The following KCP variants were observed in gnomAD, a reference collection of about 807,000 sequenced individuals.
KCP encodes kielin/chordin-like protein.
KCP carries 194 observed loss-of-function variants against 212.7 expected under a neutral mutation model. The ratio of observed to expected loss-of-function variants is 0.91; its 90% CI spans 0.81 to 1.03. The LOEUF is 1.03. Ranked by LOEUF, KCP falls within the 50% of genes least tolerant of loss-of-function variation. The pLI is 0.00. For missense variants in KCP, 2,080 were observed against 2,162.5 expected, an observed-to-expected ratio of 0.96 and a Z score of 0.76; for synonymous variants, 833 against 865.3, an observed-to-expected ratio of 0.96 and a Z score of 0.65.
At chr7:128,886,219 C>G (rs937884823) in intron 26 of KCP, among the ~76,000 whole-genome samples, 1 of 152,154 alleles carries the variant, frequency 6.6e-6, no homozygotes, top group African/African-American at 2.4e-5. Flanking sequence ...AAATGTGAGC[C>G]GCTGCACCCA....
At chr7:128,899,902 C>G (rs1239629225) in intron 8 of KCP, among the ~76,000 whole-genome samples, 1 of 130,874 alleles carries the variant, frequency 7.6e-6, no homozygotes, top group Non-Finnish European at 1.5e-5. Flanking sequence ...ATAAATGCCC[C>G]TTGGAGAAAC....
chr7:128,879,543 C>T lies in KCP; in HGVS notation c.4125G>A (p.Leu1375=). 6.5e-7 allele frequency: 1 copy of T among 1,549,974 alleles called. No homozygotes were observed. The highest frequency in any genetic ancestry group is 8.7e-7 in the Non-Finnish European group (1 of 1,146,746). The change falls in exon 37 of 40, where the codon CTG becomes CTA. Residue 1375 remains leucine, a synonymous_variant. Transcript: ENST00000610776. ...GCACCTGGAGCCCGGGCTGGGCGTG[C>T]AGGATCACAGTGTGTCCTCGCAGCT... is the stretch of plus-strand genomic sequence containing the variant. ...YVELRGHTVI[L]HAQPGLQVLW...
Position 128,893,028 on chromosome 7 carries a change from T to A in KCP, c.1268-7A>T. ...TCTCCATCCAGCTCACAGGCTGTAG[T>A]AAGGGGGCTGTCACATGGCAGCCTA... On this transcript the variant is annotated splice_region_variant and splice_polypyrimidine_tract_variant and intron_variant, in intron 13 of 39. Transcript: ENST00000610776. 1.1e-6 allele frequency: 1 copy of A among 900,756 alleles called. No homozygotes were observed. The highest frequency in any genetic ancestry group is 2.6e-5 in the East Asian group (1 of 38,032). The allele number at this position is 900,756 out of a possible 1,614,324, so 55.8% of individuals were successfully genotyped here. A position where few individuals can be genotyped will look rare whatever the true frequency, so the allele number is the denominator to read the frequency against.
chr7:128,903,945 C>G (rs374996808), intron 6 of KCP, 111 bp downstream of exon 6: 2 of 1,365,544 alleles, frequency 1.5e-6, no homozygotes, highest in Non-Finnish European at 2.0e-6. Flanking sequence ...CTAGCTGGCT[C>G]CACCTCTCGG....
chr7:128,886,748 C>A lies in KCP; in HGVS notation c.2690-11G>T. 1.9e-6 allele frequency: 3 copies of A among 1,551,278 alleles called. No individual in the cohort carries two copies. Reference sequence around the variant, plus strand: ...CCTGAGAGAGACAGCCTGTGGGGGACACACCTCCTGGGTGGGGGGCCTGTG... The same window carrying A: ...CCTGAGAGAGACAGCCTGTGGGGGAAACACCTCCTGGGTGGGGGGCCTGTG... On this transcript the variant is annotated splice_polypyrimidine_tract_variant and intron_variant, in intron 24 of 39. Coordinates refer to ENST00000610776, the MANE Select transcript of KCP (RefSeq NM_001366122.1).
At chr7:128,891,352 C>T in intron 18 of KCP, 74 bp from the exon 19 acceptor site, 1 of 1,546,408 alleles carries the variant, frequency 6.5e-7, no homozygotes. Flanking sequence ...CCACCCAGTG[C>T]CACCAGGTCC....
chr7:128,894,994 A>G (rs1394277077), intron 8 of KCP, among the ~76,000 whole-genome samples: 2 of 152,206 alleles, frequency 1.3e-5, no homozygotes, highest in East Asian at 3.8e-4. Context: ...CAGGTGCTGC[A>G]GAAGCCAAGG....
At position 128,879,902 on chromosome 7, in the gene KCP, G is replaced by C; in HGVS notation, c.3932+11C>G. ...TAGGGGTTGGGGAGAAGAGAGACAG[G>C]GGATGCACACCTGAAGTCCCCGCTG... On this transcript the variant is annotated intron_variant, in intron 35 of 39. Coordinates refer to ENST00000610776, the MANE Select transcript of KCP (RefSeq NM_001366122.1). 4 of 1,551,238 alleles carry C rather than the reference G, an allele frequency of 2.6e-6. No individual in the cohort carries two copies. Among genetic ancestry groups the C allele is most frequent in the Non-Finnish European group, 3.5e-6 (4 of 1,146,978 alleles).
At chr7:128,884,742 G>C (rs948190986) in intron 28 of KCP, 39 bp downstream of exon 28, 1 of 1,535,570 alleles carries the variant, frequency 6.5e-7, no homozygotes, top group Non-Finnish European at 8.8e-7. Context: ...ACTCCCCCCC[G>C]ACGAGGTGCC....
chr7:128,884,944 A>G, intron 27 of KCP, 81 bp from the exon 28 acceptor site: 1 of 1,491,364 alleles, frequency 6.7e-7, no homozygotes, highest in East Asian at 2.5e-5. Flanking sequence ...CTCTATCTCC[A>G]GCCTCCCCCT....
At chr7:128,893,667 C>T in intron 11 of KCP, 139 bp downstream of exon 11, 1 of 1,040,240 alleles carries the variant, frequency 9.6e-7, no homozygotes, top group South Asian at 1.5e-5. Flanking sequence ...TGCCAGTTTG[C>T]CATGAGAAGG....
rs776801585 is a variant in KCP at position 128,892,905 on chromosome 7, G to T, written c.1384C>A (p.Pro462Thr). The T allele has an allele frequency of 6.5e-7, 1 of 1,534,942 alleles. No individual in the cohort carries two copies. Among genetic ancestry groups the T allele is most frequent in the Non-Finnish European group, 8.8e-7 (1 of 1,132,180 alleles). Residue 462 changes from proline to threonine, a missense_variant, in exon 14 of 40, where the codon CCC becomes ACC. Transcript: ENST00000610776. The part of the protein sequence containing the change: ...GVPKCGAVLC[P>T]PAPCQHPTQP... ...GTGGGGTGCTGGCAGGGGGCTGGGG[G>T]GCAGAGCACAGCCCCGCACTTGGGT...
chr7:128,881,429 A>C (rs980374668), intron 31 of KCP, among the ~76,000 whole-genome samples, 197 bp downstream of exon 31: 1 of 152,178 alleles, frequency 6.6e-6, no homozygotes, highest in African/African-American at 2.4e-5. Flanking sequence ...GCTTCATCCC[A>C]GCTTCCCCCT....
intron 5 of KCP, among the ~76,000 whole-genome samples, chr7:128,905,006 GA>G (rs1795054087): frequency 6.6e-6 from 1 of 151,982 alleles, no homozygotes; most frequent in African/African-American, 2.4e-5. Context: ...TGTGTTGGGG[GA>G]GCGGGGGTCA....
At chr7:128,880,298 TCC>T (rs946320046) in intron 34 of KCP, 86 bp downstream of exon 34, 2 of 1,430,648 alleles carry the variant, frequency 1.4e-6, no homozygotes, top group Non-Finnish European at 1.9e-6. Context: ...GAGCCCAGCC[TCC>T]CTCTCTGATG....
rs370843145 is a variant in KCP at position 128,879,935 on chromosome 7, C to G, written c.3910G>C (p.Asp1304His). 4 of 1,550,942 alleles carry G rather than the reference C, an allele frequency of 2.6e-6. No individual in the cohort carries two copies. The African/African-American group carries it at 5.5e-5, about 21-fold the overall frequency. ...QGSCSYVLAK[D>H]CHSGDFSVHV... is the part of the protein sequence containing the mutation. ...CACCTGAAGTCCCCGCTGTGGCAGT[C>G]CTTGGCCAGCACATAGCTGCAACTG... Residue 1304 changes from aspartate to histidine, a missense_variant, in exon 35 of 40, where the codon GAC becomes CAC. Transcript: ENST00000610776.
intron 28 of KCP, 47 bp downstream of exon 28, chr7:128,884,734 T>C (rs1585202937): frequency 6.6e-7 from 1 of 1,516,752 alleles, no homozygotes; most frequent in Non-Finnish European, 8.9e-7. Context: ...TGCTGCCCAC[T>C]CCCCCCCGAC....
chr7:128,886,239 A>G (rs1793636912), intron 26 of KCP, among the ~76,000 whole-genome samples: 1 of 152,186 alleles, frequency 6.6e-6, no homozygotes, highest in Admixed American at 6.5e-5. Context: ...AGCCCAAGAC[A>G]GGCAGCTTTG....
intron 8 of KCP, among the ~76,000 whole-genome samples, chr7:128,898,115 G>T (rs1202613118): frequency 6.6e-6 from 1 of 151,948 alleles, no homozygotes; most frequent in Non-Finnish European, 1.5e-5. Flanking sequence ...GAGTGCAATG[G>T]TGCGATCTTG....
Sources: gnomAD v4.1 joint callset for allele counts (sites outside exome capture counted in the v4.1 genomes callset) on GRCh38, gnomAD v4.1.1 for gene constraint, MANE v1.5 for transcripts, NCBI Gene and HGNC (gene_info 2026-07-23, HGNC 2026-07-21) for gene names.